Variants in KAZN observed in about 807,000 individuals in gnomAD.
KAZN encodes the protein kazrin.
Under a neutral mutation model 87.4 loss-of-function variants are expected in KAZN, and 40 were observed. The ratio of observed to expected loss-of-function variants is 0.46; its 90% CI spans 0.36 to 0.60. KAZN has a LOEUF of 0.60. KAZN is among the 20% of genes least tolerant of loss of function. KAZN has a pLI of 0.00. For missense variants in KAZN, 898 were observed against 1,073.9 expected, an observed-to-expected ratio of 0.84 and a Z score of 2.29; for synonymous variants, 466 against 458.3, an observed-to-expected ratio of 1.02 and a Z score of -0.22.
At chr1:13,950,634 C>T (rs1324976052) in intron 1 of KAZN, among the ~76,000 whole-genome samples, 2 of 152,144 alleles carry the variant, frequency 1.3e-5, no homozygotes, top group African/African-American at 2.4e-5. Flanking sequence ...CGTCGGACTG[C>T]AGGAGTTATT....
rs57657728 is a variant in KAZN at position 14,149,104 on chromosome 1, C to CTTTTTTT, written c.92-31320_92-31314dup. Among the ~76,000 whole-genome samples the CTTTTTTT allele has an allele frequency of 1.9e-3, 132 of 69,530 alleles. 1 individual carries two copies. Among genetic ancestry groups the CTTTTTTT allele is most frequent in the African/African-American group, 5.0e-3 (91 of 18,108 alleles). The allele number at this position is 69,530 out of a possible 152,430, so 45.6% of individuals were successfully genotyped here. A position where few individuals can be genotyped will look rare whatever the true frequency, so the allele number is the denominator to read the frequency against. ...CTTCCTTCCTTCCTTTCTTTCTTTC[C>CTTTTTTT]TTTTTTTTTTTTTTTTTGACAGAGT... On this transcript the variant is annotated intron_variant, in intron 1 of 16. Coordinates refer to the KAZN transcript ENST00000636203.
intron 1 of KAZN, among the ~76,000 whole-genome samples, chr1:14,845,562 GAT>G (rs1648649501): frequency 7.2e-6 from 1 of 139,678 alleles, no homozygotes; most frequent in Non-Finnish European, 1.6e-5. Context: ...TGGGTGGGTG[GAT>G]GGATGGATGG....
chr1:14,315,078 C>A (rs1437381717), intron 2 of KAZN, among the ~76,000 whole-genome samples: 3 of 152,152 alleles, frequency 2.0e-5, no homozygotes, highest in Non-Finnish European at 4.4e-5. Context: ...AGTTGATGGA[C>A]AACTGTTTTT....
chr1:14,463,157 G>A (rs566795951), intron 2 of KAZN, among the ~76,000 whole-genome samples: 4 of 152,194 alleles, frequency 2.6e-5, no homozygotes, highest in Non-Finnish European at 4.4e-5. Context: ...TCTAGGAAAG[G>A]AGCTTTAACT....
At chr1:14,229,766 CCTG>C (rs1267647575) in intron 2 of KAZN, among the ~76,000 whole-genome samples, 3 of 152,214 alleles carry the variant, frequency 2.0e-5, no homozygotes, top group African/African-American at 7.2e-5. Context: ...CCATGAGAAA[CCTG>C]CTGTCATTAT....
At chr1:14,541,744 G>A (rs575515552) in intron 2 of KAZN, among the ~76,000 whole-genome samples, 11 of 152,288 alleles carry the variant, frequency 7.2e-5, no homozygotes, top group African/African-American at 2.6e-4. Flanking sequence ...TGAGTTATGG[G>A]TTCTAATCTC....
intron 2 of KAZN, among the ~76,000 whole-genome samples, chr1:14,986,601 C>A (rs1200118718): frequency 6.6e-6 from 1 of 152,100 alleles, no homozygotes; most frequent in Non-Finnish European, 1.5e-5. Flanking sequence ...CTGAGTACGG[C>A]TGGTATGGGT....
At chr1:14,682,359 C>T (rs1461793557) in intron 1 of KAZN, among the ~76,000 whole-genome samples, 1 of 150,806 alleles carries the variant, frequency 6.6e-6, no homozygotes, top group Non-Finnish European at 1.5e-5. Context: ...ATAATCATGA[C>T]ACATTGCAGC....
intron 1 of KAZN, among the ~76,000 whole-genome samples, chr1:14,000,852 G>C (rs1004579891): frequency 6.6e-6 from 1 of 151,266 alleles, no homozygotes; most frequent in Admixed American, 6.6e-5. Flanking sequence ...GCGGGATCTC[G>C]GCTCACTGCA....
At chr1:14,161,625 T>C (rs944211059) in intron 1 of KAZN, among the ~76,000 whole-genome samples, 1 of 152,222 alleles carries the variant, frequency 6.6e-6, no homozygotes, top group Non-Finnish European at 1.5e-5. Flanking sequence ...TCTTGTTGGT[T>C]ACACAGGTTG....
intron 2 of KAZN, among the ~76,000 whole-genome samples, chr1:14,445,766 T>C (rs776078928): frequency 2.6e-5 from 4 of 152,078 alleles, no homozygotes; most frequent in Admixed American, 6.6e-5. Flanking sequence ...AACACACATA[T>C]TGGAGTGATC....
In KAZN at chr1:14,154,401, G is replaced by A. The variant is rs554001528; in HGVS notation, c.92-26034G>A. ...CAATTCTAATGGTTTTTTTTGTGGA[G>A]TCTTTAGTTTTTTCCCAATATAAGA... is the stretch of plus-strand genomic sequence containing the variant. On this transcript the variant is annotated intron_variant, in intron 1 of 16. Coordinates refer to the KAZN transcript ENST00000636203. Among the ~76,000 whole-genome samples the A allele has an allele frequency of 6.6e-5, 10 of 152,170 alleles. 1 individual carries two copies. In the South Asian group the frequency reaches 1.9e-3, roughly 28 times the overall value.
rs1401008890 is a variant in KAZN at position 14,773,575 on chromosome 1, G to A, written c.226+174352G>A. Among the ~76,000 whole-genome samples, 1 of 152,196 alleles carries A rather than the reference G, an allele frequency of 6.6e-6. No homozygotes were observed. The highest frequency in any genetic ancestry group is 1.5e-5 in the Non-Finnish European group (1 of 68,044). ...CATCTGAGATGGTGGAAAAGATGATGTTGACTTTCCAGAGCCATAGGGAGT... is the reference window on the plus strand; with the variant it reads ...CATCTGAGATGGTGGAAAAGATGATATTGACTTTCCAGAGCCATAGGGAGT... On this transcript the variant is annotated intron_variant, in intron 1 of 14. Coordinates refer to ENST00000376030, the MANE Select transcript of KAZN (RefSeq NM_201628.3). The surrounding 1 kb of genome is among the most constrained non-coding windows in gnomAD (Gnocchi z 5.9).
chr1:15,073,482 T>TC (rs144115565), intron 8 of KAZN, among the ~76,000 whole-genome samples: 13,844 of 151,518 alleles, frequency 0.091, 705 homozygotes, highest in East Asian at 0.26. Context: ...AACCCCAGGG[T>TC]CCCCCCAGTA....
rs1030211768 is a variant in KAZN at position 14,004,565 on chromosome 1, A to G, written c.91+110809A>G. 2.0e-5 allele frequency among the ~76,000 whole-genome samples: 3 copies of G among 152,224 alleles called. 1 individual carries two copies. Among genetic ancestry groups the G allele is most frequent in the African/African-American group, 7.2e-5 (3 of 41,462 alleles). On this transcript the variant is annotated intron_variant, in intron 1 of 16. Coordinates refer to the KAZN transcript ENST00000636203. ...CACTGCAGCAATGGGGTGCTTAGTGACTAGAAGAAGCACGATGAGAATTTC... is the reference window on the plus strand; with the variant it reads ...CACTGCAGCAATGGGGTGCTTAGTGGCTAGAAGAAGCACGATGAGAATTTC...
intron 1 of KAZN, among the ~76,000 whole-genome samples, chr1:14,724,740 C>T (rs373421333): frequency 1.6e-4 from 25 of 152,218 alleles, no homozygotes; most frequent in African/African-American, 3.9e-4. Context: ...ATCCCTTCTG[C>T]GGGTTGCCCC....
intron 2 of KAZN, among the ~76,000 whole-genome samples, chr1:14,311,939 A>G (rs1655334963): frequency 6.6e-6 from 1 of 152,174 alleles, no homozygotes; most frequent in South Asian, 2.1e-4. Flanking sequence ...GCCTAGATAC[A>G]AAAAGTAAAT....
chr1:14,396,981 T>G (rs1024999740), intron 2 of KAZN, among the ~76,000 whole-genome samples: 1 of 152,216 alleles, frequency 6.6e-6, no homozygotes, highest in African/African-American at 2.4e-5. Flanking sequence ...CCATCTCTAT[T>G]CCTACCTACT....
At chr1:15,017,529 C>T (rs1459488527) in intron 2 of KAZN, among the ~76,000 whole-genome samples, 1 of 152,112 alleles carries the variant, frequency 6.6e-6, no homozygotes, top group Non-Finnish European at 1.5e-5. Context: ...TCTGGCCAGG[C>T]GCGGTGGCTC....
Sources: allele counts gnomAD v4.1 joint callset (sites outside exome capture counted in the v4.1 genomes callset), GRCh38; gene constraint gnomAD v4.1.1; non-coding constraint Gnocchi (gnomAD v3.1); transcripts MANE v1.5; gene names NCBI Gene and HGNC (gene_info 2026-07-23, HGNC 2026-07-21).